The following RALGPS1 variants were observed in gnomAD, a reference collection of about 807,000 sequenced individuals.
RALGPS1 encodes Ral GEF with PH domain and SH3 binding motif 1, also known as ras-specific guanine nucleotide-releasing factor RalGPS1.
RALGPS1 carries 19 observed loss-of-function variants against 78.8 expected under a neutral mutation model. That is an observed-to-expected ratio of 0.24 (90% CI 0.17 to 0.35). The LOEUF is 0.35. RALGPS1 is among the 10% of genes least tolerant of loss of function. The pLI is 1.00. For missense variants in RALGPS1, 454 were observed against 688.3 expected (o/e 0.66, Z 3.81); for synonymous variants, 228 against 256.3 (o/e 0.89, Z 1.06).
intron 1 of RALGPS1, among the ~76,000 whole-genome samples, chr9:126,939,952 A>G (rs1002424708): frequency 6.6e-6 from 1 of 152,180 alleles, no homozygotes; most frequent in Admixed American, 6.5e-5. Flanking sequence ...CACCTAAGGG[A>G]TACGTTTCAT....
chr9:127,125,968 G>A (rs1303942065), intron 8 of RALGPS1, among the ~76,000 whole-genome samples: 1 of 152,080 alleles, frequency 6.6e-6, no homozygotes, highest in Non-Finnish European at 1.5e-5. Context: ...CAGCGGGATG[G>A]TCCACTGGGA....
In RALGPS1 at chr9:127,205,276, G is replaced by C. The variant is rs1230669948; in HGVS notation, c.1247+6210G>C. On this transcript the variant is annotated intron_variant, in intron 14 of 18. Coordinates refer to ENST00000259351, the MANE Select transcript of RALGPS1 (RefSeq NM_014636.3). This position sits in a 1 kb window ranked among gnomAD's most constrained non-coding sequence, Gnocchi z 4.0. ...TCAGGTCCCAGGCCCCCCGTCGAGG[G>C]ATCACTAGGGTTCTCTTCACCAAAT... Among the ~76,000 whole-genome samples, 3 of 152,202 alleles carry C rather than the reference G, an allele frequency of 2.0e-5. No individual in the cohort carries two copies. The highest frequency in any genetic ancestry group is 4.4e-5 in the Non-Finnish European group (3 of 68,030).
At chr9:127,025,907 A>C (rs1398411317) in intron 4 of RALGPS1, among the ~76,000 whole-genome samples, 18 of 151,672 alleles carry the variant, frequency 1.2e-4, no homozygotes. Flanking sequence ...GTTGCACTAT[A>C]TTGCCAGGCT....
intron 8 of RALGPS1, among the ~76,000 whole-genome samples, chr9:127,119,310 A>G (rs2055795489): frequency 6.6e-6 from 1 of 152,196 alleles, no homozygotes; most frequent in African/African-American, 2.4e-5. Flanking sequence ...GAGTAAGTCC[A>G]TGGTTTTCAG....
At chr9:127,086,219 A>C (rs1267047019) in intron 8 of RALGPS1, among the ~76,000 whole-genome samples, 1 of 152,178 alleles carries the variant, frequency 6.6e-6, no homozygotes, top group African/African-American at 2.4e-5. Context: ...AAGCTATCAT[A>C]TGGTTATGCC....
chr9:127,062,122 G>A (rs1818756093), intron 7 of RALGPS1, among the ~76,000 whole-genome samples: 1 of 152,078 alleles, frequency 6.6e-6, no homozygotes, highest in Admixed American at 6.6e-5. Flanking sequence ...TTTTGAGACG[G>A]AGTCTCGCTC....
chr9:126,976,677 C>T (rs2040688218), intron 3 of RALGPS1, among the ~76,000 whole-genome samples: 1 of 152,206 alleles, frequency 6.6e-6, no homozygotes, highest in Non-Finnish European at 1.5e-5. Flanking sequence ...CCCATTTGTT[C>T]CCTGTATCAT....
At chr9:127,195,373 C>G (rs1046932656) in intron 12 of RALGPS1, among the ~76,000 whole-genome samples, 156 bp downstream of exon 12, 4 of 152,204 alleles carry the variant, frequency 2.6e-5, no homozygotes, top group Non-Finnish European at 5.9e-5. Context: ...GTGCGCTTTC[C>G]TGAGGCTGGT....
intron 1 of RALGPS1, among the ~76,000 whole-genome samples, chr9:126,923,243 C>G (rs2034942507): frequency 2.0e-5 from 3 of 152,180 alleles, no homozygotes; most frequent in Non-Finnish European, 4.4e-5. Flanking sequence ...TATGTTGATT[C>G]TGCAGGTAGC....
intron 5 of RALGPS1, among the ~76,000 whole-genome samples, chr9:127,036,447 T>G (rs1007116443): frequency 2.0e-5 from 3 of 152,254 alleles, no homozygotes; most frequent in Non-Finnish European, 4.4e-5. Flanking sequence ...AGAATAATAG[T>G]AGTGCTCTCC....
intron 18 of RALGPS1, chr9:127,217,052 G>A (rs964174099): frequency 1.4e-6 from 2 of 1,451,664 alleles, no homozygotes; most frequent in Admixed American, 5.5e-5. Context: ...GTAGCCCTGA[G>A]TAAAACCCAT....
intron 4 of RALGPS1, among the ~76,000 whole-genome samples, chr9:127,029,894 G>A (rs181957723): frequency 3.8e-4 from 58 of 152,322 alleles, no homozygotes; most frequent in African/African-American, 1.3e-3. Context: ...TCATGGTGGG[G>A]TGGCCCAGAG....
At chr9:127,182,907 TC>T (rs2060372492) in intron 11 of RALGPS1, among the ~76,000 whole-genome samples, 2 of 152,176 alleles carry the variant, frequency 1.3e-5, no homozygotes, top group African/African-American at 4.8e-5. Flanking sequence ...TTTAATTGGC[TC>T]CCAGTTCTGC....
At position 127,195,181 on chromosome 9, in the gene RALGPS1, T is replaced by C; in HGVS notation, c.1001T>C (p.Val334Ala). 1.2e-6 allele frequency: 2 copies of C among 1,612,230 alleles called. No individual in the cohort carries two copies. Among genetic ancestry groups the C allele is most frequent in the Middle Eastern group, 1.6e-4 (1 of 6,062 alleles). Residue 334 changes from valine to alanine, a missense_variant, in exon 12 of 19, where the codon GTC (valine) becomes GCC (alanine). Coordinates refer to ENST00000259351, the MANE Select transcript of RALGPS1 (RefSeq NM_014636.3). ...SVAGSLPTPPVPRHRKSHSLG... is the reference protein window; with the variant it reads ...SVAGSLPTPPAPRHRKSHSLG... ...GCTGGCAGCCTCCCCACACCTCCAGTCCCCAGACACAGGAAGAGCCACAGC... is the reference window on the plus strand; with the variant it reads ...GCTGGCAGCCTCCCCACACCTCCAGCCCCCAGACACAGGAAGAGCCACAGC...
At position 127,205,458 on chromosome 9, in the gene RALGPS1, A is replaced by G. The variant is rs545475993; in HGVS notation, c.1247+6392A>G. 2.0e-3 allele frequency among the ~76,000 whole-genome samples: 299 copies of G among 152,332 alleles called. No individual in the cohort carries two copies. The highest frequency in any genetic ancestry group is 6.7e-3 in the African/African-American group (280 of 41,572). Reference sequence around the variant, plus strand: ...ACTGAGAGAAGTCTGCAGAGAGAAGAGTGCACAAAGAACCCCTGGCCTCTA... The same window carrying G: ...ACTGAGAGAAGTCTGCAGAGAGAAGGGTGCACAAAGAACCCCTGGCCTCTA... On this transcript the variant is annotated intron_variant, in intron 14 of 18. Coordinates refer to ENST00000259351, the MANE Select transcript of RALGPS1 (RefSeq NM_014636.3). The surrounding 1 kb of genome is among the most constrained non-coding windows in gnomAD (Gnocchi z 4.0).
At chr9:127,193,709 C>A (rs550564502) in intron 11 of RALGPS1, among the ~76,000 whole-genome samples, 3 of 152,152 alleles carry the variant, frequency 2.0e-5, no homozygotes, top group African/African-American at 7.2e-5. Flanking sequence ...GTTGGAGGAC[C>A]TGGAGGTCTG....
intron 11 of RALGPS1, chr9:127,178,422 C>T: frequency 9.5e-7 from 1 of 1,048,048 alleles, no homozygotes; most frequent in Non-Finnish European, 1.2e-6. Context: ...AATCTTCCTC[C>T]TTCACAGGGT....
chr9:127,016,377 G>A (rs2044826775), intron 4 of RALGPS1, among the ~76,000 whole-genome samples: 1 of 152,182 alleles, frequency 6.6e-6, no homozygotes, highest in South Asian at 2.1e-4. Flanking sequence ...GAGCTGGGAG[G>A]ATCTCAAAGA....
At chr9:127,203,796 G>A (rs1205002647) in intron 14 of RALGPS1, among the ~76,000 whole-genome samples, 1 of 152,218 alleles carries the variant, frequency 6.6e-6, no homozygotes, top group Non-Finnish European at 1.5e-5. Flanking sequence ...GGATGGTTAA[G>A]CAGCAGCCCA....
Sources: allele counts gnomAD v4.1 joint callset (sites outside exome capture counted in the v4.1 genomes callset), GRCh38; gene constraint gnomAD v4.1.1; non-coding constraint Gnocchi (gnomAD v3.1); transcripts MANE v1.5; gene names NCBI Gene and HGNC (gene_info 2026-07-23, HGNC 2026-07-21).